Variants in RANBP1 observed in about 807,000 individuals in gnomAD.
The protein encoded by RANBP1 is ran-specific GTPase-activating protein.
RANBP1 carries 16 observed loss-of-function variants against 31.4 expected under a neutral mutation model. The ratio of observed to expected loss-of-function variants is 0.51; its 90% CI spans 0.34 to 0.77. RANBP1 has a LOEUF of 0.77. RANBP1 is among the 30% of genes least tolerant of loss of function. The probability of loss-of-function intolerance (pLI) is 0.01; values close to 1 mark genes in which losing one functional copy is unlikely to be tolerated. For missense variants in RANBP1, 265 were observed against 362.0 expected, an observed-to-expected ratio of 0.73 and a Z score of 2.17; for synonymous variants, 129 against 140.5, an observed-to-expected ratio of 0.92 and a Z score of 0.58.
intron 1 of RANBP1, chr22:20,117,004 A>G: frequency 1.4e-6 from 2 of 1,478,780 alleles, no homozygotes; most frequent in Middle Eastern, 1.7e-4. Context: ...GTCACAAGGG[A>G]AGTGCTCAGA....
At chr22:20,121,985 C>G (rs546729189) in intron 2 of RANBP1, among the ~76,000 whole-genome samples, 3 of 152,110 alleles carry the variant, frequency 2.0e-5, no homozygotes, top group African/African-American at 7.2e-5. Flanking sequence ...ATGACCTGCC[C>G]GCCTCGGCCT....
intron 1 of RANBP1, chr22:20,117,746 C>T (rs2050071759): frequency 3.7e-6 from 4 of 1,082,894 alleles, no homozygotes; most frequent in East Asian, 6.3e-5. Flanking sequence ...GCCCGCGCCG[C>T]CGCCACCAAC....
rs752500304 is a variant in RANBP1 at position 20,116,162 on chromosome 22, C to T, written c.-23C>T. 2.0e-5 allele frequency: 33 copies of T among 1,612,976 alleles called. No individual in the cohort carries two copies. Among genetic ancestry groups the T allele is most frequent in the Middle Eastern group, 3.3e-4 (2 of 6,082 alleles). On this transcript the variant is annotated 5_prime_UTR_variant, in exon 1 of 6. Coordinates refer to ENST00000430524, the MANE Select transcript of RANBP1 (RefSeq NM_001278639.2). ...CGTGTTACTGGTGGCTCACTCTCAC[C>T]CTCCTGTCGCCTCCTCCTGGCCATG...
rs1265417395 is a variant in RANBP1, at chr22:20,127,172, A to C, written c.*120A>C. Reference sequence around the variant, plus strand: ...TTTTTACAAGGGACGTTATATAAAGAACTGAACTCAACATTCAGGTTGTTT... The same window carrying C: ...TTTTTACAAGGGACGTTATATAAAGCACTGAACTCAACATTCAGGTTGTTT... On this transcript the variant is annotated 3_prime_UTR_variant, in exon 6 of 6. Coordinates refer to ENST00000430524, the MANE Select transcript of RANBP1 (RefSeq NM_001278639.2). 4 of 766,206 alleles carry C rather than the reference A, an allele frequency of 5.2e-6. No individual in the cohort carries two copies. In the African/African-American group the frequency reaches 7.2e-5, roughly 14 times the overall value. The allele number at this position is 766,206 out of a possible 1,614,324, so 47.5% of individuals were successfully genotyped here.
Position 20,122,723 on chromosome 22 carries a change from C to CCGTG in RANBP1, c.541+302_541+303insCGTG. ...GTGAGTGCTGCAGGGCGAGGGGGTG[C>CCGTG]TGTGTGTGTGTGTGTGTGTGTGTGT... On this transcript the variant is annotated intron_variant, in intron 3 of 5. Transcript: ENST00000430524. 42 of 928,858 alleles carry CCGTG rather than the reference C, an allele frequency of 4.5e-5. 1 individual carries two copies. The South Asian group carries it at 7.1e-4, about 16-fold the overall frequency. 57.5% of individuals were successfully genotyped at this position (928,858 alleles called of 1,614,324 possible). A position where few individuals can be genotyped will look rare whatever the true frequency, so the allele number is the denominator to read the frequency against.
In RANBP1 at chr22:20,116,424, C is replaced by T. The variant is rs2050021331; in HGVS notation, c.240C>T (p.Ile80=). ...RGTFCSSSLK[I]SEDTHEDHDT... ...CGTTCTGCAGCTCCAGTTTAAAGAT[C>T]TCAGAGGTAAACAAGTCATCCCTGA... Residue 80 remains isoleucine (I), a synonymous_variant, in exon 1 of 6, where the codon ATC becomes ATT. Transcript: ENST00000430524. The T allele has an allele frequency of 6.2e-7, 1 of 1,612,426 alleles. No homozygotes were observed. Among genetic ancestry groups the T allele is most frequent in the Non-Finnish European group, 8.5e-7 (1 of 1,179,524 alleles).
At position 20,117,589 on chromosome 22, in the gene RANBP1, C is replaced by T. The variant is rs926115025; in HGVS notation, c.246+1159C>T. 1.7e-5 allele frequency: 24 copies of T among 1,380,916 alleles called. No individual in the cohort carries two copies. The African/African-American group carries it at 3.2e-4, about 19-fold the overall frequency. The allele number at this position is 1,380,916 out of a possible 1,614,324, so 85.5% of individuals were successfully genotyped here. On this transcript the variant is annotated intron_variant, in intron 1 of 5. Coordinates refer to ENST00000430524, the MANE Select transcript of RANBP1 (RefSeq NM_001278639.2). ...GAGGGAAGGAGCTACGAGTAGCCGC[C>T]GAGAGGCCGCGGAGCCAGCGACGAC...
chr22:20,126,988 C>G lies in RANBP1; in HGVS notation c.773C>G (p.Ala258Gly), dbSNP rs780610564. ...AAAAATGATCATGCCGAAAAAGTGG[C>G]GGAAAAGCTAGAAGCTCTCTCGGTG... Reference protein sequence around the residue: ...SGKNDHAEKVAEKLEALSVKE... With the variant: ...SGKNDHAEKVGEKLEALSVKE... Residue 258 changes from alanine (A) to glycine (G), a missense_variant, in exon 6 of 6, where the codon GCG becomes GGG. By Grantham distance (60) the Ala-to-Gly change is moderately conservative. Coordinates refer to ENST00000430524, the MANE Select transcript of RANBP1 (RefSeq NM_001278639.2). 6.2e-7 allele frequency: 1 copy of G among 1,612,798 alleles called. No homozygotes were observed. The highest frequency in any genetic ancestry group is 1.1e-5 in the South Asian group (1 of 91,012).
chr22:20,118,257 C>A, intron 1 of RANBP1: 1 of 1,002,490 alleles, frequency 1.0e-6, no homozygotes, highest in Non-Finnish European at 1.2e-6. Flanking sequence ...GTTTTCTTTT[C>A]CAGTTTGAGT....
intron 3 of RANBP1, among the ~76,000 whole-genome samples, chr22:20,123,059 CTG>C (rs2050215090): frequency 1.7e-5 from 1 of 58,566 alleles, no homozygotes; most frequent in Non-Finnish European, 3.1e-5. Context: ...GGTTGGGGGT[CTG>C]GTGTCTGGGT....
chr22:20,124,831 A>G (rs2050261184), intron 3 of RANBP1: 2 of 175,800 alleles, frequency 1.1e-5, no homozygotes, highest in Non-Finnish European at 2.4e-5. Flanking sequence ...CCCTTAGGAA[A>G]GACTGGGCCC....
intron 1 of RANBP1, chr22:20,116,930 A>T: frequency 6.3e-7 from 1 of 1,586,420 alleles, no homozygotes; most frequent in South Asian, 1.1e-5. Context: ...CTCCGCCTAG[A>T]CCAGGGACGC....
chr22:20,117,140 C>CCGCCCGCCAGGGGCCCG, intron 1 of RANBP1: 1 of 575,672 alleles, frequency 1.7e-6, no homozygotes, highest in Non-Finnish European at 2.9e-6. Context: ...GCTGTACCGC[C>CCGCCCGCCAGGGGCCCG]CGCCCGCCAG....
intron 1 of RANBP1, chr22:20,118,185 A>C: frequency 1.0e-6 from 1 of 1,002,108 alleles, no homozygotes; most frequent in South Asian, 4.7e-5. Flanking sequence ...TGTCTGGTTG[A>C]GTGCGGGCCG....
In RANBP1 at chr22:20,126,933, G is replaced by T. The variant is rs368048123; in HGVS notation, c.737-19G>T. On this transcript the variant is annotated intron_variant, in intron 5 of 5. Transcript: ENST00000430524. ...TGCACCGTGCTTCTGTTTTCTCACT[G>T]TGCTGCTTGTGTTTTTAGCAGGATC... 12 of 1,610,636 alleles carry T rather than the reference G, an allele frequency of 7.5e-6. No individual in the cohort carries two copies. In the African/African-American group the frequency reaches 1.6e-4, roughly 22 times the overall value.
At chr22:20,122,758 T>TGTGTGTGTGTGTGTGTGTG in intron 3 of RANBP1, 1 of 871,110 alleles carries the variant, frequency 1.1e-6, no homozygotes, top group Non-Finnish European at 1.3e-6. Flanking sequence ...TGTGTGTGTG[T>TGTGTGTGTGTGTGTGTGTG]GTGTGGTGTC....
rs185873304 is a variant in RANBP1 at position 20,123,553 on chromosome 22, C to T, written c.541+1132C>T. Among the ~76,000 whole-genome samples, 376 of 151,846 alleles carry T rather than the reference C, an allele frequency of 2.5e-3. 5 individuals carry two copies. The highest frequency in any genetic ancestry group is 8.8e-3 in the African/African-American group (363 of 41,338). On this transcript the variant is annotated intron_variant, in intron 3 of 5. Coordinates refer to ENST00000430524, the MANE Select transcript of RANBP1 (RefSeq NM_001278639.2). Reference sequence around the variant, plus strand: ...TGTAAGAGCAGATGTGTGAGGTGCCCAGGCACCAGCCTCCCCAGTTATGGT... The same window carrying T: ...TGTAAGAGCAGATGTGTGAGGTGCCTAGGCACCAGCCTCCCCAGTTATGGT...
rs1336240203 is a variant in RANBP1 at position 20,122,333 on chromosome 22, C to T, written c.453C>T (p.Asp151=). The T allele has an allele frequency of 6.8e-6, 11 of 1,613,172 alleles. No individual in the cohort carries two copies. Among genetic ancestry groups the T allele is most frequent in the South Asian group, 2.2e-5 (2 of 91,078 alleles). ...LPEWKERGTG[D]VKLLKHKEKG... is the part of the protein sequence containing the mutation. ...AATGGAAGGAGCGAGGCACTGGTGACGTCAAGCTCCTGAAGCACAAGGAGA... is the reference window on the plus strand; with the variant it reads ...AATGGAAGGAGCGAGGCACTGGTGATGTCAAGCTCCTGAAGCACAAGGAGA... Residue 151 remains aspartate (D), a synonymous_variant, in exon 3 of 6, where the codon GAC becomes GAT. Coordinates refer to ENST00000430524, the MANE Select transcript of RANBP1 (RefSeq NM_001278639.2).
chr22:20,119,178 A>G (rs763253461), intron 2 of RANBP1, 29 bp downstream of exon 2: 16 of 1,603,322 alleles, frequency 1.0e-5, no homozygotes, highest in Non-Finnish European at 1.4e-5. Context: ...CAGAAATAGG[A>G]CTCTTTAAGG....
Sources: gnomAD v4.1 joint callset for allele counts (sites outside exome capture counted in the v4.1 genomes callset) on GRCh38, gnomAD v4.1.1 for gene constraint, MANE v1.5 for transcripts, NCBI Gene and HGNC (gene_info 2026-07-23, HGNC 2026-07-21) for gene names.